Variants in SLC17A1 observed in about 807,000 individuals in gnomAD.
The protein encoded by SLC17A1 is solute carrier family 17 member 1, also known as sodium-dependent phosphate transport protein 1.
In SLC17A1, 51 loss-of-function variants were observed where a neutral mutation model predicts 53.5. The ratio of observed to expected loss-of-function variants is 0.95; its 90% CI spans 0.76 to 1.20. The LOEUF is 1.20. Among genes scored for constraint, SLC17A1 ranks in the 50% most tolerant of loss-of-function variants. The pLI, the probability that SLC17A1 is intolerant of heterozygous loss-of-function variation, is 0.00. For missense variants in SLC17A1, 538 were observed against 568.2 expected (o/e 0.95, Z 0.54); for synonymous variants, 179 against 198.8 (o/e 0.90, Z 0.84).
the SLC17A1 span, among the ~76,000 whole-genome samples, chr6:25,744,464 A>G: frequency 2.6e-5 from 4 of 152,304 alleles, no homozygotes; most frequent in Non-Finnish European, 5.9e-5. Flanking sequence ...AATCTTACTC[A>G]CAAGGACCAA....
chr6:25,725,278 A>G, the SLC17A1 span, among the ~76,000 whole-genome samples: 43,393 of 152,054 alleles, frequency 0.29, 7,130 homozygotes, highest in East Asian at 0.68. Flanking sequence ...TAACACTAGT[A>G]TCTCACCATC....
intron 12 of SLC17A1, among the ~76,000 whole-genome samples, chr6:25,790,003 C>T (rs1030554193): frequency 8.6e-5 from 13 of 151,964 alleles, no homozygotes; most frequent in Admixed American, 5.9e-4. Context: ...ATGGTGAGGG[C>T]ATCATGCTAG....
chr6:25,757,871 T>C, the SLC17A1 span, among the ~76,000 whole-genome samples: 1 of 152,192 alleles, frequency 6.6e-6, no homozygotes, highest in Non-Finnish European at 1.5e-5. Flanking sequence ...GCAGTTAGGG[T>C]TCCTTTCTCA....
chr6:25,731,947 G>T, the SLC17A1 span: 4 of 1,598,942 alleles, frequency 2.5e-6, no homozygotes, highest in East Asian at 4.5e-5. Context: ...CAGGCAATGC[G>T]CTCAAAAATG....
chr6:25,778,856 C>A (rs754288861), downstream of SLC17A1, among the ~76,000 whole-genome samples: 1 of 152,104 alleles, frequency 6.6e-6, no homozygotes, highest in African/African-American at 2.4e-5. Context: ...GGAGGAGGAG[C>A]GTTCCAGCCA....
At chr6:25,750,409 G>A in the SLC17A1 span, among the ~76,000 whole-genome samples, 2 of 152,128 alleles carry the variant, frequency 1.3e-5, no homozygotes, top group African/African-American at 4.8e-5. Flanking sequence ...CAGAATGAAG[G>A]AAATTGAGAG....
the SLC17A1 span, among the ~76,000 whole-genome samples, chr6:25,745,015 A>T: frequency 0.27 from 41,212 of 151,818 alleles, 6,792 homozygotes; most frequent in East Asian, 0.7. Flanking sequence ...TTTTGAAACC[A>T]GAAATAAAAG....
chr6:25,769,787 T>C, the SLC17A1 span, among the ~76,000 whole-genome samples: 3 of 152,250 alleles, frequency 2.0e-5, no homozygotes, highest in South Asian at 4.2e-4. Context: ...CACGTATTTT[T>C]TTTTTACTAC....
chr6:25,823,685 T>C (rs1328284065), intron 3 of SLC17A1, among the ~76,000 whole-genome samples: 1 of 152,026 alleles, frequency 6.6e-6, no homozygotes, highest in Non-Finnish European at 1.5e-5. Context: ...TGAGTGTTGA[T>C]AGAAGTTCTT....
the SLC17A1 span, among the ~76,000 whole-genome samples, chr6:25,727,955 T>A: frequency 6.6e-6 from 1 of 151,630 alleles, no homozygotes; most frequent in African/African-American, 2.4e-5. Context: ...AGCCGGAGAT[T>A]GCAGTGAGCC....
chr6:25,780,725 A>G (rs1033398524), downstream of SLC17A1: 1 of 152,208 alleles, frequency 6.6e-6, no homozygotes, highest in Non-Finnish European at 1.5e-5. Flanking sequence ...AGGAGCTTAC[A>G]GTGTAGTCCA....
the SLC17A1 span, among the ~76,000 whole-genome samples, chr6:25,749,758 G>A: frequency 6.6e-6 from 1 of 151,878 alleles, no homozygotes; most frequent in African/African-American, 2.4e-5. Context: ...CTTCTTGGCT[G>A]CATTAATATC....
At chr6:25,761,842 C>T in the SLC17A1 span, 2 of 731,294 alleles carry the variant, frequency 2.7e-6, no homozygotes, top group Non-Finnish European at 4.4e-6. Context: ...TATACAGCAA[C>T]ATTTGCTCCT....
chr6:25,814,499 T>C (rs1043445243), intron 6 of SLC17A1, among the ~76,000 whole-genome samples: 4 of 152,200 alleles, frequency 2.6e-5, no homozygotes, highest in Non-Finnish European at 5.9e-5. Context: ...GCATGAATTA[T>C]ATTGTCCAGG....
chr6:25,815,424 A>G (rs563450212), intron 6 of SLC17A1, among the ~76,000 whole-genome samples: 8 of 151,846 alleles, frequency 5.3e-5, no homozygotes, highest in African/African-American at 1.7e-4. Flanking sequence ...AAATGACCCC[A>G]GTTTTTTAAG....
the SLC17A1 span, among the ~76,000 whole-genome samples, chr6:25,769,484 GGAGGCAGAAGTTGCAGT>G: frequency 6.6e-6 from 1 of 152,076 alleles, no homozygotes; most frequent in African/African-American, 2.4e-5. Flanking sequence ...CTTGAACTGG[GGAGGCAGAAGTTGCAGT>G]GAGCGGAGAT....
intron 6 of SLC17A1, 108 bp from the exon 7 acceptor site, chr6:25,813,321 C>A: frequency 1.1e-6 from 1 of 881,600 alleles, no homozygotes; most frequent in Non-Finnish European, 1.8e-6. Flanking sequence ...CCTCCTCTTT[C>A]TTTTTTGAAA....
chr6:25,731,828 C>T, the SLC17A1 span: 1 of 1,602,328 alleles, frequency 6.2e-7, no homozygotes, highest in East Asian at 2.3e-5. Context: ...TGCCCTCCGA[C>T]ACAACGTGCT....
the SLC17A1 span, chr6:25,726,365 C>A: frequency 6.2e-7 from 1 of 1,614,204 alleles, no homozygotes; most frequent in Non-Finnish European, 8.5e-7. Flanking sequence ...TACTCTAACA[C>A]TGCCGCCAAA....
Sources: gnomAD v4.1 joint callset for allele counts (sites outside exome capture counted in the v4.1 genomes callset) on GRCh38, gnomAD v4.1.1 for gene constraint, MANE v1.5 for transcripts, NCBI Gene and HGNC (gene_info 2026-07-23, HGNC 2026-07-21) for gene names.